CUL3: variants seen among roughly 807,000 people sequenced by gnomAD.
CUL3 encodes the protein cullin-3.
Under a neutral mutation model 89.1 loss-of-function variants are expected in CUL3, and 19 were observed. The observed-to-expected ratio is 0.21, with a 90% CI of 0.15 to 0.31. The LOEUF (loss-of-function observed/expected upper bound fraction) is 0.31, where lower values mean the gene tolerates loss of function less well. Among genes scored for constraint, CUL3 ranks in the 10% least tolerant of loss-of-function variants. CUL3 has a pLI of 1.00. For synonymous variants in CUL3, 351 were observed against 308.4 expected, an observed-to-expected ratio of 1.14 and a Z score of -1.45; for missense variants, 469 against 942.3, an observed-to-expected ratio of 0.50 and a Z score of 6.58.
chr2:224,537,028 G>C (rs2106267003), intron 2 of CUL3, among the ~76,000 whole-genome samples: 1 of 152,166 alleles, frequency 6.6e-6, no homozygotes, highest in South Asian at 2.1e-4. Flanking sequence ...CTTTACCATA[G>C]AGAATTTCTA....
At chr2:224,573,401 T>C (rs1456895275) in intron 1 of CUL3, among the ~76,000 whole-genome samples, 1 of 152,244 alleles carries the variant, frequency 6.6e-6, no homozygotes, top group Non-Finnish European at 1.5e-5. Flanking sequence ...GACTGCTTTA[T>C]TCAAGTCAAT....
intron 1 of CUL3, among the ~76,000 whole-genome samples, chr2:224,564,400 T>C (rs1422258451): frequency 2.6e-5 from 4 of 152,234 alleles, no homozygotes; most frequent in Admixed American, 6.5e-5. Flanking sequence ...ATCATTCACC[T>C]TACTTCATCT....
chr2:224,564,213 G>C (rs545003544), intron 1 of CUL3, among the ~76,000 whole-genome samples: 1 of 152,210 alleles, frequency 6.6e-6, no homozygotes, highest in African/African-American at 2.4e-5. Flanking sequence ...TTGAACCCAG[G>C]TGGAGGCTGC....
intron 15 of CUL3, among the ~76,000 whole-genome samples, chr2:224,475,088 G>A (rs1213075991): frequency 1.3e-5 from 2 of 152,066 alleles, no homozygotes; most frequent in African/African-American, 2.4e-5. Flanking sequence ...CGCAATCTCC[G>A]CTCACTGCAA....
chr2:224,577,493 C>T (rs565204905), intron 1 of CUL3, among the ~76,000 whole-genome samples: 1 of 151,868 alleles, frequency 6.6e-6, no homozygotes, highest in East Asian at 1.9e-4. Context: ...GGCGTGAACC[C>T]GGGAGGTGGA....
intron 14 of CUL3, chr2:224,478,648 G>T: frequency 4.3e-6 from 1 of 234,232 alleles, no homozygotes; most frequent in South Asian, 8.8e-5. Flanking sequence ...AAAATTACCA[G>T]TAAATAATTT....
chr2:224,507,065 G>GAACAGAGA, intron 6 of CUL3, 62 bp from the exon 7 acceptor site: 2 of 1,501,018 alleles, frequency 1.3e-6, no homozygotes, highest in Non-Finnish European at 1.8e-6. Flanking sequence ...ACGAATCTCT[G>GAACAGAGA]TTCACGCTAT....
At chr2:224,534,485 G>A (rs1693810135) in intron 3 of CUL3, among the ~76,000 whole-genome samples, 1 of 152,184 alleles carries the variant, frequency 6.6e-6, no homozygotes, top group South Asian at 2.1e-4. Context: ...CACTGAAGAT[G>A]TAAGAATTAA....
Position 224,585,241 on chromosome 2 carries a change from G to A in CUL3, c.-232C>T, listed in dbSNP as rs1319392007. The A allele has an allele frequency of 1.5e-5, 6 of 391,974 alleles. No homozygotes were observed. The highest frequency in any genetic ancestry group is 2.2e-5 in the Non-Finnish European group (5 of 223,520). The allele number at this position is 391,974 out of a possible 1,614,324, so 24.3% of individuals were successfully genotyped here. Reference sequence around the variant, plus strand: ...TCCGATGCGGCTGGGGGGCTGCGCTGGCGCGGCGGCTCCGCGGGGTCCCCC... The same window carrying A: ...TCCGATGCGGCTGGGGGGCTGCGCTAGCGCGGCGGCTCCGCGGGGTCCCCC... On this transcript the variant is annotated 5_prime_UTR_variant, in exon 1 of 16. Transcript: ENST00000264414.
At chr2:224,548,080 T>C (rs1043449107) in intron 2 of CUL3, among the ~76,000 whole-genome samples, 2 of 152,198 alleles carry the variant, frequency 1.3e-5, no homozygotes, top group Admixed American at 6.5e-5. Context: ...CAAAAAGACA[T>C]TGCAGTTTAC....
In CUL3 at chr2:224,500,458, G is replaced by T; in HGVS notation, c.1515C>A (p.Val505=). The T allele has an allele frequency of 6.2e-7, 1 of 1,613,794 alleles. No homozygotes were observed. ...GCCAATATCCTGTCGTGAGCACCCG[G>T]ACTGTAAGATCAACACCACCTAAAG... ...GVSLGGVDLT[V]RVLTTGYWPT... Residue 505 remains valine (V), a synonymous_variant, in exon 11 of 16, where the codon GTC becomes GTA. Coordinates refer to ENST00000264414, the MANE Select transcript of CUL3 (RefSeq NM_003590.5).
In CUL3 at chr2:224,514,646, T is replaced by C. The variant is rs2106223405; in HGVS notation, c.505A>G (p.Ile169Val). ...DHLRQTLLDM[I>V]ARERKGEVVD... ...ACTTCTCCTTTCCGCTCTCTTGCAA[T>C]CATATCCAATAGAGTTTGCCGTAGA... The change falls in exon 4 of 16, where the codon ATT becomes GTT. Residue 169 changes from isoleucine (I) to valine (V), a missense_variant. Physicochemically the swap from Ile to Val is conservative, Grantham distance 29 (BLOSUM62 3). Around this residue, in one of 4 missense-constraint regions of CUL3, gnomAD observed 370 missense variants for 733.2 expected, o/e 0.50. Transcript: ENST00000264414. 1 of 1,613,422 alleles carries C rather than the reference T, an allele frequency of 6.2e-7. No individual in the cohort carries two copies. The highest frequency in any genetic ancestry group is 8.5e-7 in the Non-Finnish European group (1 of 1,179,564).
chr2:224,565,257 G>C (rs1228361088), intron 1 of CUL3, among the ~76,000 whole-genome samples: 1 of 152,148 alleles, frequency 6.6e-6, no homozygotes, highest in African/African-American at 2.4e-5. Flanking sequence ...AACATTGTAA[G>C]AAAAAGAAAA....
Position 224,506,873 on chromosome 2 carries a change from A to G in CUL3, c.1014T>C (p.Pro338=). 3 of 1,613,516 alleles carry G rather than the reference A, an allele frequency of 1.9e-6. No individual in the cohort carries two copies. Among genetic ancestry groups the G allele is most frequent in the South Asian group, 2.2e-5 (2 of 90,994 alleles). The change falls in exon 7 of 16, where the codon CCT becomes CCC. Residue 338 remains proline, a synonymous_variant. Transcript: ENST00000264414. ...LVSEEGEGKN[P]VDYIQGLLDL... ...GTTTACTTACCTGGATATAGTCAAC[A>G]GGATTCTTTCCTTCTCCTTCTTCAG...
At chr2:224,547,732 A>C (rs914238885) in intron 2 of CUL3, among the ~76,000 whole-genome samples, 15 of 152,226 alleles carry the variant, frequency 9.9e-5, no homozygotes, top group African/African-American at 3.4e-4. Flanking sequence ...TATATTGTAT[A>C]TATATATGCC....
chr2:224,518,269 T>C (rs1380963182), intron 3 of CUL3, among the ~76,000 whole-genome samples: 5 of 151,686 alleles, frequency 3.3e-5, no homozygotes, highest in African/African-American at 1.2e-4. Context: ...AGCATAAAGT[T>C]TGTAAGGTTT....
intron 1 of CUL3, among the ~76,000 whole-genome samples, chr2:224,576,483 A>G (rs1031353199): frequency 6.6e-6 from 1 of 152,330 alleles, no homozygotes; most frequent in Non-Finnish European, 1.5e-5. Context: ...AGAGTTACAA[A>G]AACTTCAAAC....
intron 8 of CUL3, among the ~76,000 whole-genome samples, chr2:224,504,888 A>G (rs1692532529): frequency 6.6e-6 from 1 of 152,106 alleles, no homozygotes; most frequent in Non-Finnish European, 1.5e-5. Flanking sequence ...TGAGCTCCTC[A>G]GGTTCCAGAG....
chr2:224,561,836 T>C (rs899024214), intron 1 of CUL3, among the ~76,000 whole-genome samples: 41 of 152,360 alleles, frequency 2.7e-4, no homozygotes, highest in African/African-American at 9.1e-4. Context: ...TTTTAGTTTG[T>C]TGACTACATA....
Sources: allele counts gnomAD v4.1 joint callset (sites outside exome capture counted in the v4.1 genomes callset), GRCh38; gene constraint gnomAD v4.1.1; regional missense constraint gnomAD v4.1.1; transcripts MANE v1.5; gene names NCBI Gene and HGNC (gene_info 2026-07-23, HGNC 2026-07-21).